The following TBC1D19 variants were observed in gnomAD, a reference collection of about 807,000 sequenced individuals.
The protein encoded by TBC1D19 is TBC1 domain family, member 19.
Under a neutral mutation model 89.0 loss-of-function variants are expected in TBC1D19, and 60 were observed. That is an observed-to-expected ratio of 0.67 (90% CI 0.55 to 0.84). TBC1D19 has a LOEUF of 0.84. TBC1D19 is among the 40% of genes least tolerant of loss of function. TBC1D19 has a pLI of 0.00. For missense variants in TBC1D19, 500 were observed against 610.8 expected (o/e 0.82, Z 1.91); for synonymous variants, 189 against 199.7 (o/e 0.95, Z 0.45).
intron 13 of TBC1D19, among the ~76,000 whole-genome samples, chr4:26,715,903 A>G (rs958605509): frequency 1.3e-5 from 2 of 152,058 alleles, no homozygotes; most frequent in Non-Finnish European, 2.9e-5. Context: ...AGCCACTGTC[A>G]ATAGTCTCCT....
intron 13 of TBC1D19, among the ~76,000 whole-genome samples, chr4:26,705,303 T>A (rs1441913501): frequency 6.6e-6 from 1 of 152,170 alleles, no homozygotes; most frequent in Non-Finnish European, 1.5e-5. Flanking sequence ...CCAGTTTGCC[T>A]AATTTTTGTT....
At chr4:26,608,308 A>G (rs565213415) in intron 1 of TBC1D19, among the ~76,000 whole-genome samples, 2 of 152,352 alleles carry the variant, frequency 1.3e-5, no homozygotes, top group East Asian at 3.9e-4. Context: ...TATTGAGGCT[A>G]TATCAGAATA....
chr4:26,682,580 G>A (rs1402394852), intron 11 of TBC1D19, among the ~76,000 whole-genome samples: 1 of 152,138 alleles, frequency 6.6e-6, no homozygotes, highest in African/African-American at 2.4e-5. Context: ...ATACAGATCC[G>A]CTGTCCTAAA....
At chr4:26,644,215 C>T (rs1445491713) in intron 7 of TBC1D19, among the ~76,000 whole-genome samples, 4 of 152,086 alleles carry the variant, frequency 2.6e-5, no homozygotes, top group African/African-American at 7.2e-5. Flanking sequence ...TATCAAAAAG[C>T]TTATCCACCA....
At chr4:26,817,981 A>AAAAATATATATATATATATATAT in the TBC1D19 span, among the ~76,000 whole-genome samples, 5 of 126,078 alleles carry the variant, frequency 4.0e-5, no homozygotes, top group African/African-American at 1.8e-4. Context: ...AAAAAAAAAA[A>AAAAATATATATATATATATATAT]ATATATATAT....
rs914657808 is a variant in TBC1D19 at position 26,740,751 on chromosome 4, A to G, written c.1227+778A>G. On this transcript the variant is annotated intron_variant, in intron 17 of 20. Coordinates refer to ENST00000264866, the MANE Select transcript of TBC1D19 (RefSeq NM_018317.4). ...TACTCCAGGTGAAACATTCAATTGGAATATATGTCAGGGCTACTAAATTTC... is the reference window on the plus strand; with the variant it reads ...TACTCCAGGTGAAACATTCAATTGGGATATATGTCAGGGCTACTAAATTTC... The G allele has an allele frequency of 1.8e-5, 18 of 985,172 alleles. No individual in the cohort carries two copies. The African/African-American group carries it at 2.6e-4, about 14-fold the overall frequency. The allele number at this position is 985,172 out of a possible 1,614,324, so 61.0% of individuals were successfully genotyped here.
intron 15 of TBC1D19, among the ~76,000 whole-genome samples, 189 bp downstream of exon 15, chr4:26,720,314 C>T (rs1716895228): frequency 6.6e-6 from 1 of 152,104 alleles, no homozygotes; most frequent in South Asian, 2.1e-4. Flanking sequence ...TGCATACTCT[C>T]TCTGATTCTC....
chr4:26,799,058 T>C, the TBC1D19 span, among the ~76,000 whole-genome samples: 2 of 152,156 alleles, frequency 1.3e-5, no homozygotes, highest in Non-Finnish European at 2.9e-5. Flanking sequence ...AAAAATGATA[T>C]TTTTAATCCC....
At position 26,613,227 on chromosome 4, in the gene TBC1D19, T is replaced by G; in HGVS notation, c.158T>G (p.Phe53Cys). The change falls in exon 2 of 21, where the codon TTC (phenylalanine) becomes TGC (cysteine). Residue 53 changes from phenylalanine to cysteine, a missense_variant. Phe to Cys is a radical substitution (Grantham distance 205). Transcript: ENST00000264866. The stretch of plus-strand genomic sequence containing the variant: ...TCACTGAAAGAAGATATTAAGGAAT[T>G]CTTTAAAATATCAGGTTTGTAAGTT... The part of the protein sequence containing the change: ...LESLKEDIKE[F>C]FKISGWEKKL... 1.9e-6 allele frequency: 3 copies of G among 1,574,430 alleles called. No homozygotes were observed. The highest frequency in any genetic ancestry group is 2.6e-6 in the Non-Finnish European group (3 of 1,156,182).
At chr4:26,680,950 T>C (rs1713286363) in intron 11 of TBC1D19, among the ~76,000 whole-genome samples, 1 of 152,210 alleles carries the variant, frequency 6.6e-6, no homozygotes, top group African/African-American at 2.4e-5. Context: ...TATTCCCTAA[T>C]GGCTTCAACT....
chr4:26,728,066 A>G lies in TBC1D19; in HGVS notation c.1085-7389A>G, dbSNP rs935396925. Among the ~76,000 whole-genome samples, 14 of 152,210 alleles carry G rather than the reference A, an allele frequency of 9.2e-5. 1 individual carries two copies. The highest frequency in any genetic ancestry group is 8.5e-4 in the Admixed American group (13 of 15,274). Reference sequence around the variant, plus strand: ...TTTGCTGCTTCATAGTTCACTAATTAATTTATTGTAAGCTTTCTTATTAAA... The same window carrying G: ...TTTGCTGCTTCATAGTTCACTAATTGATTTATTGTAAGCTTTCTTATTAAA... On this transcript the variant is annotated intron_variant, in intron 15 of 20. Coordinates refer to ENST00000264866, the MANE Select transcript of TBC1D19 (RefSeq NM_018317.4).
chr4:26,591,204 CTCTG>C (rs1229806197), intron 1 of TBC1D19, among the ~76,000 whole-genome samples: 1 of 151,890 alleles, frequency 6.6e-6, no homozygotes, highest in Non-Finnish European at 1.5e-5. Flanking sequence ...TAATGTTCCT[CTCTG>C]TCTTTTTGTG....
At chr4:26,669,856 A>T (rs1712136615) in intron 9 of TBC1D19, among the ~76,000 whole-genome samples, 1 of 151,810 alleles carries the variant, frequency 6.6e-6, no homozygotes, top group Non-Finnish European at 1.5e-5. Context: ...TGAAATGAAC[A>T]TAAAGGATTA....
chr4:26,814,895 G>A, the TBC1D19 span, among the ~76,000 whole-genome samples: 8 of 152,132 alleles, frequency 5.3e-5, no homozygotes, highest in South Asian at 6.2e-4. Flanking sequence ...CGTGGCACGC[G>A]CCTGTTGTCC....
chr4:26,849,356 TA>T, the TBC1D19 span, among the ~76,000 whole-genome samples: 1 of 152,242 alleles, frequency 6.6e-6, no homozygotes, highest in African/African-American at 2.4e-5. Context: ...TTTATGTATT[TA>T]AAAAGGTTCA....
chr4:26,798,154 G>A, the TBC1D19 span, among the ~76,000 whole-genome samples: 1 of 152,098 alleles, frequency 6.6e-6, no homozygotes, highest in Non-Finnish European at 1.5e-5. Flanking sequence ...CTCTGACAAA[G>A]GACTAATATC....
chr4:26,592,180 A>G (rs1415489368), intron 1 of TBC1D19, among the ~76,000 whole-genome samples: 1 of 152,264 alleles, frequency 6.6e-6, no homozygotes, highest in Non-Finnish European at 1.5e-5. Context: ...AGGCTGGTTC[A>G]ACATATGCAA....
At chr4:26,683,171 A>G (rs1027545901) in intron 11 of TBC1D19, among the ~76,000 whole-genome samples, 2 of 152,210 alleles carry the variant, frequency 1.3e-5, no homozygotes, top group Non-Finnish European at 2.9e-5. Context: ...TTAGAAAGGC[A>G]GTATAAAGTA....
intron 5 of TBC1D19, 33 bp from the exon 6 acceptor site, chr4:26,638,738 A>T (rs1185828073): frequency 6.4e-7 from 1 of 1,559,048 alleles, no homozygotes; most frequent in South Asian, 1.2e-5. Flanking sequence ...TCAAAAAATG[A>T]AATGAAACCA....
Sources: allele counts gnomAD v4.1 joint callset (sites outside exome capture counted in the v4.1 genomes callset), GRCh38; gene constraint gnomAD v4.1.1; transcripts MANE v1.5; gene names NCBI Gene and HGNC (gene_info 2026-07-23, HGNC 2026-07-21).